The following RSF1 variants were observed in gnomAD, a reference collection of about 807,000 sequenced individuals.
RSF1 encodes the protein HBV pX-associated protein 8.
In RSF1, 13 loss-of-function variants were observed where a neutral mutation model predicts 145.2. The ratio of observed to expected loss-of-function variants is 0.09; its 90% CI spans 0.06 to 0.14. The LOEUF is 0.14. Among genes scored for constraint, RSF1 ranks in the 10% least tolerant of loss-of-function variants. RSF1 has a pLI of 1.00. For synonymous variants in RSF1, 577 were observed against 592.6 expected (o/e 0.97, Z 0.38); for missense variants, 1,517 against 1,718.2 (o/e 0.88, Z 2.07).
the RSF1 span, chr11:77,841,090 A>G: frequency 1.5e-6 from 1 of 668,018 alleles, no homozygotes; most frequent in East Asian, 2.7e-5. Flanking sequence ...ATCATCCTAT[A>G]GTGGAAGTCA....
intron 5 of RSF1, among the ~76,000 whole-genome samples, chr11:77,711,436 A>T (rs777197888): frequency 1.3e-5 from 2 of 152,144 alleles, no homozygotes; most frequent in South Asian, 4.2e-4. Context: ...GTGGAGGCCG[A>T]GGCGAGCGGA....
At chr11:77,870,278 C>G in the RSF1 span, among the ~76,000 whole-genome samples, 2 of 150,558 alleles carry the variant, frequency 1.3e-5, no homozygotes, top group African/African-American at 4.9e-5. Flanking sequence ...CCTCGGCCTC[C>G]CAAAATGCTA....
intron 1 of RSF1, among the ~76,000 whole-genome samples, chr11:77,798,958 T>C (rs1325592383): frequency 1.5e-5 from 2 of 129,862 alleles, no homozygotes; most frequent in Admixed American, 7.9e-5. Flanking sequence ...AAACTTAAAG[T>C]ATAATTAAAA....
upstream of RSF1, among the ~76,000 whole-genome samples, chr11:77,825,136 A>G (rs1449600405): frequency 6.6e-6 from 1 of 152,000 alleles, no homozygotes. Context: ...GTCTGCCACC[A>G]TGCCCGGCTA....
intron 5 of RSF1, among the ~76,000 whole-genome samples, chr11:77,713,538 G>T (rs1960737285): frequency 6.6e-6 from 1 of 152,196 alleles, no homozygotes; most frequent in South Asian, 2.1e-4. Context: ...GGTCTGCACT[G>T]AGTTTCCAAC....
chr11:77,850,500 A>G, the RSF1 span: 65 of 152,270 alleles, frequency 4.3e-4, no homozygotes, highest in Non-Finnish European at 5.9e-5. Context: ...ATAGATCATC[A>G]TTCATGTGTC....
intron 4 of RSF1, among the ~76,000 whole-genome samples, chr11:77,733,950 AT>A (rs926584010): frequency 2.0e-5 from 3 of 151,784 alleles, no homozygotes; most frequent in South Asian, 2.1e-4. Flanking sequence ...TAGATGTAAA[AT>A]TTTTTTTTCT....
intron 1 of RSF1, among the ~76,000 whole-genome samples, chr11:77,793,476 C>T (rs1948541231): frequency 6.6e-6 from 1 of 151,898 alleles, no homozygotes; most frequent in South Asian, 2.1e-4. Flanking sequence ...CAGGAGAGAT[C>T]TTCCCTCAAA....
chr11:77,820,949 C>T (rs548891394), upstream of RSF1: 113 of 554,080 alleles, frequency 2.0e-4, 2 homozygotes, highest in South Asian at 2.5e-3. Context: ...TTTCCGCCCT[C>T]TTTCCGCCCC....
At chr11:77,755,809 A>T (rs770252670) in intron 2 of RSF1, among the ~76,000 whole-genome samples, 23 of 152,008 alleles carry the variant, frequency 1.5e-4, no homozygotes, top group Non-Finnish European at 2.5e-4. Flanking sequence ...TGAACTCCTG[A>T]CCTCGTGATC....
chr11:77,723,014 G>A lies in RSF1; in HGVS notation c.733+2531C>T, dbSNP rs144184158. ...TGGTTTCCAATTCACATTTTCTCTG[G>A]CTTTGATTTTAATTGTGTATGGGAA... On this transcript the variant is annotated intron_variant, in intron 5 of 15. Transcript: ENST00000308488. Among the ~76,000 whole-genome samples the A allele has an allele frequency of 1.5e-4, 23 of 152,084 alleles. No individual in the cohort carries two copies. The East Asian group carries it at 4.1e-3, about 27-fold the overall frequency.
chr11:77,769,701 C>T (rs1948262571), intron 1 of RSF1, among the ~76,000 whole-genome samples: 1 of 152,238 alleles, frequency 6.6e-6, no homozygotes, highest in Non-Finnish European at 1.5e-5. Context: ...AGCACCATGT[C>T]TTAAAAATGT....
chr11:77,735,723 C>T (rs1314351959), intron 4 of RSF1, among the ~76,000 whole-genome samples: 1 of 152,018 alleles, frequency 6.6e-6, no homozygotes, highest in Non-Finnish European at 1.5e-5. Context: ...CTTGTTCTTC[C>T]CTTATCACTT....
chr11:77,805,467 A>C (rs1004016556), intron 1 of RSF1, among the ~76,000 whole-genome samples: 2 of 152,172 alleles, frequency 1.3e-5, no homozygotes, highest in South Asian at 4.1e-4. Context: ...AAAAAAAAGA[A>C]AAGACAGATT....
chr11:77,773,630 TA>T (rs960773986), intron 1 of RSF1, among the ~76,000 whole-genome samples: 1 of 152,164 alleles, frequency 6.6e-6, no homozygotes, highest in Admixed American at 6.5e-5. Flanking sequence ...TGATAATTTT[TA>T]AAAATTCAAA....
At chr11:77,822,557 G>T (rs1215070402), upstream of RSF1, among the ~76,000 whole-genome samples, 1 of 151,806 alleles carries the variant, frequency 6.6e-6, no homozygotes, top group African/African-American at 2.4e-5. Context: ...CACAAACACC[G>T]AATTTTTTTC....
rs149336205 is a variant in RSF1 at position 77,696,383 on chromosome 11, A to G, written c.2715+2104T>C. The stretch of plus-strand genomic sequence containing the variant: ...ATTGCTTTTCTGCTGTTAAAGCTCA[A>G]TTAAGACAAGGACCATGCCTTTCTA... On this transcript the variant is annotated intron_variant, in intron 7 of 15. Transcript: ENST00000308488. 7.9e-5 allele frequency among the ~76,000 whole-genome samples: 12 copies of G among 152,332 alleles called. No individual in the cohort carries two copies. In the South Asian group the frequency reaches 2.3e-3, roughly 29 times the overall value.
At chr11:77,821,275 C>T (rs768798269), upstream of RSF1, 15 of 211,418 alleles carry the variant, frequency 7.1e-5, no homozygotes, top group Non-Finnish European at 1.2e-4. Context: ...AACTGGGCCA[C>T]GAGATGGTGG....
the RSF1 span, among the ~76,000 whole-genome samples, chr11:77,856,510 T>C: frequency 6.6e-6 from 1 of 152,230 alleles, no homozygotes; most frequent in Admixed American, 6.5e-5. Context: ...GTTAGTCTCT[T>C]CTTGCATTGC....
Sources: gnomAD v4.1 joint callset for allele counts (sites outside exome capture counted in the v4.1 genomes callset) on GRCh38, gnomAD v4.1.1 for gene constraint, MANE v1.5 for transcripts, NCBI Gene and HGNC (gene_info 2026-07-23, HGNC 2026-07-21) for gene names.